HDAC9: variants seen among roughly 807,000 people sequenced by gnomAD.
The protein encoded by HDAC9 is histone deacetylase 9.
In HDAC9, 41 loss-of-function variants were observed where a neutral mutation model predicts 139.4. The observed-to-expected ratio is 0.29, with a 90% CI of 0.23 to 0.38. HDAC9 has a LOEUF of 0.38. Among genes scored for constraint, HDAC9 ranks in the 10% least tolerant of loss-of-function variants. The pLI, the probability that HDAC9 is intolerant of heterozygous loss-of-function variation, is 1.00. For missense variants in HDAC9, 1,147 were observed against 1,297.0 expected, an observed-to-expected ratio of 0.88 and a Z score of 1.78; for synonymous variants, 517 against 476.2, an observed-to-expected ratio of 1.09 and a Z score of -1.12.
At chr7:18,339,186 G>T (rs1327258466) in intron 1 of HDAC9, among the ~76,000 whole-genome samples, 1 of 151,090 alleles carries the variant, frequency 6.6e-6, no homozygotes, top group Non-Finnish European at 1.5e-5. Context: ...AAGTTTGTCA[G>T]TATTCTGGAT....
At chr7:18,351,627 A>G (rs1585311608) in intron 1 of HDAC9, among the ~76,000 whole-genome samples, 1 of 152,322 alleles carries the variant, frequency 6.6e-6, no homozygotes, top group East Asian at 1.9e-4. Context: ...CAGCTCTATC[A>G]TGTCCCAGCT....
At chr7:18,886,928 G>A (rs567763794) in intron 22 of HDAC9, among the ~76,000 whole-genome samples, 35 of 152,128 alleles carry the variant, frequency 2.3e-4, no homozygotes, top group Non-Finnish European at 4.6e-4. Flanking sequence ...AAAATAATTG[G>A]CTTATGATTC....
intron 24 of HDAC9, among the ~76,000 whole-genome samples, chr7:18,969,045 G>A (rs889839914): frequency 2.0e-5 from 3 of 148,090 alleles, no homozygotes; most frequent in African/African-American, 7.4e-5. Context: ...GCAAAATATT[G>A]GAGATGAAGT....
chr7:18,538,516 C>T (rs563571891), intron 2 of HDAC9, among the ~76,000 whole-genome samples: 1 of 152,146 alleles, frequency 6.6e-6, no homozygotes, highest in Non-Finnish European at 1.5e-5. Context: ...TTTATTTTTA[C>T]CCCTTACTAA....
At chr7:18,886,324 A>G (rs1392987862) in intron 22 of HDAC9, among the ~76,000 whole-genome samples, 4 of 152,238 alleles carry the variant, frequency 2.6e-5, no homozygotes, top group Non-Finnish European at 5.9e-5. Flanking sequence ...TTTGAAGAAC[A>G]CAGTTACTAT....
chr7:18,285,780 T>G (rs904040363), upstream of HDAC9, among the ~76,000 whole-genome samples: 19 of 152,238 alleles, frequency 1.2e-4, no homozygotes, highest in African/African-American at 4.6e-4. Flanking sequence ...ACACTTTGTG[T>G]TCCAGTGGTA....
At chr7:18,588,338 T>C (rs1309990142) in intron 3 of HDAC9, among the ~76,000 whole-genome samples, 1 of 152,212 alleles carries the variant, frequency 6.6e-6, no homozygotes, top group East Asian at 1.9e-4. Context: ...TTATCTGAAA[T>C]GCCCGGGACC....
intron 22 of HDAC9, among the ~76,000 whole-genome samples, chr7:18,896,451 G>A (rs1408567324): frequency 1.3e-5 from 2 of 152,038 alleles, no homozygotes; most frequent in Non-Finnish European, 2.9e-5. Context: ...GCCACTGAAT[G>A]TCTGGCACCA....
Position 18,392,765 on chromosome 7 carries a change from GT to G in HDAC9, c.-42+102251del, listed in dbSNP as rs542038880. On this transcript the variant is annotated intron_variant, in intron 1 of 3. Transcript: ENST00000413509. ...ATATTTCATTCTTCACATGGGAGGG[GT>G]CACTCAGATATGATTTAGACTAGAA... Among the ~76,000 whole-genome samples, 37 of 151,902 alleles carry G rather than the reference GT, an allele frequency of 2.4e-4. No homozygotes were observed. In the East Asian group the frequency reaches 6.4e-3, roughly 26 times the overall value.
At chr7:18,339,154 T>C (rs550891638) in intron 1 of HDAC9, among the ~76,000 whole-genome samples, 1 of 151,588 alleles carries the variant, frequency 6.6e-6, no homozygotes, top group East Asian at 1.9e-4. Flanking sequence ...CCTTTTTTTT[T>C]CTCCATGATC....
intron 21 of HDAC9, among the ~76,000 whole-genome samples, chr7:18,861,470 G>T (rs560650956): frequency 6.6e-6 from 1 of 152,230 alleles, no homozygotes; most frequent in African/African-American, 2.4e-5. Flanking sequence ...CTATGCTTGC[G>T]TATAGGATTT....
At chr7:18,131,188 A>G (rs572868970) in intron 1 of HDAC9, among the ~76,000 whole-genome samples, 4 of 152,306 alleles carry the variant, frequency 2.6e-5, no homozygotes, top group Admixed American at 1.3e-4. Context: ...GACATTTTAG[A>G]TGGTATGTGT....
chr7:18,683,811 T>A (rs1191134595), intron 12 of HDAC9, among the ~76,000 whole-genome samples: 1 of 152,006 alleles, frequency 6.6e-6, no homozygotes, highest in Non-Finnish European at 1.5e-5. Flanking sequence ...ATATTGGGAG[T>A]TGAGTTTTCT....
chr7:18,433,201 A>T (rs1427060290), intron 1 of HDAC9, among the ~76,000 whole-genome samples: 1 of 152,202 alleles, frequency 6.6e-6, no homozygotes, highest in Non-Finnish European at 1.5e-5. Flanking sequence ...ACATTCTTTC[A>T]TATTAAAATC....
At chr7:18,488,115 T>G (rs1001553721) in intron 1 of HDAC9, among the ~76,000 whole-genome samples, 6 of 152,036 alleles carry the variant, frequency 3.9e-5, no homozygotes, top group Admixed American at 2.0e-4. Context: ...TTCTAGAATT[T>G]TTTTATTTTC....
At chr7:18,833,776 G>A (rs1476795121) in intron 19 of HDAC9, among the ~76,000 whole-genome samples, 1 of 152,158 alleles carries the variant, frequency 6.6e-6, no homozygotes. Flanking sequence ...CATTCAAAAA[G>A]GGAAAAGGAT....
chr7:18,319,369 G>A (rs1210315743), intron 1 of HDAC9, among the ~76,000 whole-genome samples: 1 of 152,130 alleles, frequency 6.6e-6, no homozygotes, highest in African/African-American at 2.4e-5. Flanking sequence ...TAGGCACAAT[G>A]TATCTACAAA....
chr7:18,881,377 A>G (rs1204255035), intron 22 of HDAC9, among the ~76,000 whole-genome samples: 1 of 152,092 alleles, frequency 6.6e-6, no homozygotes, highest in Non-Finnish European at 1.5e-5. Flanking sequence ...CTCAATGGAT[A>G]TTTATTCTTT....
intron 12 of HDAC9, among the ~76,000 whole-genome samples, chr7:18,713,023 C>T (rs1784453426): frequency 6.6e-6 from 1 of 152,170 alleles, no homozygotes; most frequent in South Asian, 2.1e-4. Flanking sequence ...TTATATTATC[C>T]ATTTGTTCTT....
Sources: gnomAD v4.1 joint callset for allele counts (sites outside exome capture counted in the v4.1 genomes callset) on GRCh38, gnomAD v4.1.1 for gene constraint, MANE v1.5 for transcripts, NCBI Gene and HGNC (gene_info 2026-07-23, HGNC 2026-07-21) for gene names.